The following ARMC12 variants were observed in gnomAD, a reference collection of about 807,000 sequenced individuals.
ARMC12 encodes the protein armadillo repeat containing 12, also known as armadillo repeat-containing protein 12.
A neutral mutation model predicts 37.4 loss-of-function variants in ARMC12; 25 were observed. That is an observed-to-expected ratio of 0.67 (90% CI 0.49 to 0.93). ARMC12 has a LOEUF of 0.93. Ranked by LOEUF, ARMC12 falls within the 40% of genes least tolerant of loss-of-function variation. The probability of loss-of-function intolerance (pLI) is 0.00; values close to 1 mark genes in which losing one functional copy is unlikely to be tolerated. For synonymous variants in ARMC12, 167 were observed against 176.1 expected (o/e 0.95, Z 0.41); for missense variants, 384 against 426.6 (o/e 0.90, Z 0.88).
chr6:35,743,689 C>G (rs1767246230), intron 3 of ARMC12, among the ~76,000 whole-genome samples: 1 of 146,918 alleles, frequency 6.8e-6, no homozygotes. Context: ...AAGCAATACA[C>G]AAATAAGTAA....
chr6:35,732,114 C>T (rs562010776), upstream of ARMC12, among the ~76,000 whole-genome samples: 1 of 152,246 alleles, frequency 6.6e-6, no homozygotes, highest in Non-Finnish European at 1.5e-5. Context: ...GGGAAAGGCG[C>T]GGCCTCCTTC....
At chr6:35,731,968 G>A in the ARMC12 span, among the ~76,000 whole-genome samples, 1 of 152,204 alleles carries the variant, frequency 6.6e-6, no homozygotes, top group East Asian at 1.9e-4. Flanking sequence ...GAGTGGGGGA[G>A]GGGAGCGAAG....
intron 3 of ARMC12, among the ~76,000 whole-genome samples, chr6:35,740,181 G>T (rs1435519892): frequency 6.6e-6 from 1 of 152,086 alleles, no homozygotes; most frequent in Non-Finnish European, 1.5e-5. Context: ...TCATGGCCAC[G>T]GATAACTTCT....
chr6:35,746,963 T>C (rs1767355092), intron 3 of ARMC12, among the ~76,000 whole-genome samples: 1 of 146,624 alleles, frequency 6.8e-6, no homozygotes, highest in South Asian at 2.1e-4. Context: ...AGCATGTGGA[T>C]CGTATTTAAC....
chr6:35,746,057 TAAAA>T (rs1767327469), intron 3 of ARMC12, among the ~76,000 whole-genome samples: 1 of 129,892 alleles, frequency 7.7e-6, no homozygotes, highest in African/African-American at 3.4e-5. Flanking sequence ...TAAAATAAAA[TAAAA>T]TAAAATTAAA....
intron 3 of ARMC12, among the ~76,000 whole-genome samples, chr6:35,744,490 G>T (rs1767277108): frequency 6.6e-6 from 1 of 152,050 alleles, no homozygotes; most frequent in Non-Finnish European, 1.5e-5. Flanking sequence ...CAGCTAAATT[G>T]TATCAAGTGC....
Position 35,748,910 on chromosome 6 carries a change from T to A in ARMC12, c.*40T>A. The A allele has an allele frequency of 6.5e-7, 1 of 1,536,856 alleles. No homozygotes were observed. The highest frequency in any genetic ancestry group is 8.8e-7 in the Non-Finnish European group (1 of 1,140,496). On this transcript the variant is annotated 3_prime_UTR_variant, in exon 6 of 6. Coordinates refer to ENST00000373866, the MANE Select transcript of ARMC12 (RefSeq NM_001286574.2). ...AATAAATGAGTATAGGAGAGAAACTTGAAGTTTCTTGAAGCTCGAATGTCT... is the reference window on the plus strand; with the variant it reads ...AATAAATGAGTATAGGAGAGAAACTAGAAGTTTCTTGAAGCTCGAATGTCT...
chr6:35,737,982 C>G (rs773258471), intron 1 of ARMC12, 45 bp from the exon 2 acceptor site: 2 of 1,607,070 alleles, frequency 1.2e-6, no homozygotes, highest in East Asian at 4.5e-5. Context: ...ATTCTTTCAT[C>G]ACTTCTGAGT....
In ARMC12 at chr6:35,738,509, C is replaced by G; in HGVS notation, c.435C>G (p.Leu145=). ...TCTCTGGCATCAGAAAATTCAGGCTCAAAATCCAGGTGAGCCCAGGGATGC... is the reference window on the plus strand; with the variant it reads ...TCTCTGGCATCAGAAAATTCAGGCTGAAAATCCAGGTGAGCCCAGGGATGC... The part of the protein sequence containing the change: ...KAFSGIRKFR[L]KIQEHSIKVL... The change falls in exon 3 of 6, where the codon CTC becomes CTG. Residue 145 remains leucine (L), a synonymous_variant. Coordinates refer to ENST00000373866, the MANE Select transcript of ARMC12 (RefSeq NM_001286574.2). 5.6e-6 allele frequency: 9 copies of G among 1,614,024 alleles called. No homozygotes were observed. Among genetic ancestry groups the G allele is most frequent in the South Asian group, 1.1e-5 (1 of 91,066 alleles).
At chr6:35,737,439 C>A in intron 1 of ARMC12, 168 bp downstream of exon 1, 2 of 1,568,474 alleles carry the variant, frequency 1.3e-6, no homozygotes, top group Non-Finnish European at 1.7e-6. Flanking sequence ...CAAGGCCCTG[C>A]CAGAGATGCT....
In ARMC12 at chr6:35,738,364, ATC is replaced by A; in HGVS notation, c.310-15_310-14del. On this transcript the variant is annotated intron_variant, in intron 2 of 5. Transcript: ENST00000373866. ...AACACCCGCTTCTCCTGCCTCTTCC[ATC>A]TCTCCCCAATACTCCAGGCCTCTGC... 6.2e-7 allele frequency: 1 copy of A among 1,608,132 alleles called. No individual in the cohort carries two copies. Among genetic ancestry groups the A allele is most frequent in the Non-Finnish European group, 8.5e-7 (1 of 1,178,114 alleles).
intron 2 of ARMC12, 51 bp downstream of exon 2, chr6:35,738,223 G>A (rs760180659): frequency 1.0e-5 from 15 of 1,479,430 alleles, no homozygotes; most frequent in Admixed American, 3.7e-5. Flanking sequence ...TGGGGGTTAC[G>A]GCCGATCCCT....
rs1225530207 is a variant in ARMC12 at position 35,737,437 on chromosome 6, T to A, written c.163+166T>A. Reference sequence around the variant, plus strand: ...CCCTGCAGCGTCCTAGGCAAGGCCCTGCCAGAGATGCTAGCTCAGGGTCCC... The same window carrying A: ...CCCTGCAGCGTCCTAGGCAAGGCCCAGCCAGAGATGCTAGCTCAGGGTCCC... On this transcript the variant is annotated intron_variant, in intron 1 of 5. Transcript: ENST00000373866. 3.2e-6 allele frequency: 5 copies of A among 1,569,898 alleles called. No homozygotes were observed. In the Admixed American group the frequency reaches 8.9e-5, roughly 28 times the overall value.
rs541722832 is a variant in ARMC12 at position 35,748,859 on chromosome 6, A to G, written c.1012A>G (p.Asn338Asp). The G allele has an allele frequency of 6.2e-7, 1 of 1,609,316 alleles. No individual in the cohort carries two copies. The highest frequency in any genetic ancestry group is 1.1e-5 in the South Asian group (1 of 90,640). The change falls in exon 6 of 6, where the codon AAC (asparagine) becomes GAC (aspartate). Residue 338 changes from asparagine (N) to aspartate (D), a missense_variant. Physicochemically the swap from Asn to Asp is conservative, Grantham distance 23. Transcript: ENST00000373866. Reference sequence around the variant, plus strand: ...CCAGCCCAGTCGTTCCTACTTTAAAAACACGGAATAAAATTAAGGAGAGCC... The same window carrying G: ...CCAGCCCAGTCGTTCCTACTTTAAAGACACGGAATAAAATTAAGGAGAGCC... ...SCQPSRSYFK[N>D]TE
upstream of ARMC12, among the ~76,000 whole-genome samples, chr6:35,734,401 A>G (rs909035192): frequency 9.2e-5 from 14 of 152,158 alleles, no homozygotes; most frequent in African/African-American, 1.7e-4. Context: ...GGCTCAAGCA[A>G]TCCACTCGCC....
At chr6:35,734,528 C>T (rs889540970), upstream of ARMC12, among the ~76,000 whole-genome samples, 5 of 152,176 alleles carry the variant, frequency 3.3e-5, no homozygotes, top group African/African-American at 4.8e-5. Context: ...TCCAGCCAGG[C>T]GCGGTGGCTC....
Position 35,748,865 on chromosome 6 carries a change from G to A in ARMC12, c.1018G>A (p.Glu340Lys), listed in dbSNP as rs778032351. The change falls in exon 6 of 6, where the codon GAA becomes AAA. Residue 340 changes from glutamate (E) to lysine (K), a missense_variant. Transcript: ENST00000373866. Reference sequence around the variant, plus strand: ...CAGTCGTTCCTACTTTAAAAACACGGAATAAAATTAAGGAGAGCCAATAAA... The same window carrying A: ...CAGTCGTTCCTACTTTAAAAACACGAAATAAAATTAAGGAGAGCCAATAAA... ...QPSRSYFKNT[E>K] is the part of the protein sequence containing the mutation. 4.4e-6 allele frequency: 7 copies of A among 1,607,844 alleles called. No individual in the cohort carries two copies. Among genetic ancestry groups the A allele is most frequent in the Non-Finnish European group, 5.9e-6 (7 of 1,177,234 alleles).
chr6:35,738,988 T>A (rs1232353721), intron 3 of ARMC12, among the ~76,000 whole-genome samples: 2 of 152,134 alleles, frequency 1.3e-5, no homozygotes, highest in Admixed American at 1.3e-4. Context: ...CCTTTTTAGA[T>A]CTACTAATTT....
chr6:35,734,645 A>G (rs142705209), upstream of ARMC12, among the ~76,000 whole-genome samples: 488 of 152,098 alleles, frequency 3.2e-3, 10 homozygotes, highest in East Asian at 0.039. Context: ...TACCAAAAAT[A>G]CAAAAAATTA....
Sources: allele counts gnomAD v4.1 joint callset (sites outside exome capture counted in the v4.1 genomes callset), GRCh38; gene constraint gnomAD v4.1.1; transcripts MANE v1.5; gene names NCBI Gene and HGNC (gene_info 2026-07-23, HGNC 2026-07-21).